The following MAGI1 variants were observed in gnomAD, a reference collection of about 807,000 sequenced individuals.
MAGI1 encodes membrane associated guanylate kinase, WW and PDZ domain containing 1.
MAGI1 carries 58 observed loss-of-function variants against 139.9 expected under a neutral mutation model. That is an observed-to-expected ratio of 0.41 (90% CI 0.34 to 0.52). The LOEUF (loss-of-function observed/expected upper bound fraction) is 0.52, where lower values mean the gene tolerates loss of function less well. MAGI1 is among the 20% of genes least tolerant of loss of function. The pLI is 0.12. For synonymous variants in MAGI1, 812 were observed against 737.9 expected (o/e 1.10, Z -1.63); for missense variants, 1,874 against 1,901.6 (o/e 0.99, Z 0.27).
intron 2 of MAGI1, among the ~76,000 whole-genome samples, chr3:65,557,332 G>A (rs929398913): frequency 6.6e-6 from 1 of 152,288 alleles, no homozygotes; most frequent in Non-Finnish European, 1.5e-5. Context: ...GCCACACATA[G>A]TGAGGAACTA....
At chr3:65,832,005 C>T (rs2042557788) in intron 1 of MAGI1, among the ~76,000 whole-genome samples, 1 of 152,210 alleles carries the variant, frequency 6.6e-6, no homozygotes, top group Non-Finnish European at 1.5e-5. Flanking sequence ...AGAGACCTTA[C>T]ATTACCATTT....
intron 1 of MAGI1, among the ~76,000 whole-genome samples, chr3:65,675,186 T>G (rs1315104961): frequency 6.6e-6 from 1 of 152,160 alleles, no homozygotes; most frequent in African/African-American, 2.4e-5. Flanking sequence ...AAAATAAAAT[T>G]ATGATATTCA....
At chr3:65,637,139 C>G (rs892659005) in intron 1 of MAGI1, among the ~76,000 whole-genome samples, 4 of 152,166 alleles carry the variant, frequency 2.6e-5, no homozygotes, top group African/African-American at 9.7e-5. Context: ...GTGTGACAGT[C>G]CCACCCAGGG....
intron 1 of MAGI1, among the ~76,000 whole-genome samples, chr3:65,730,107 T>C (rs2034031723): frequency 6.6e-6 from 1 of 152,242 alleles, no homozygotes; most frequent in Non-Finnish European, 1.5e-5. Flanking sequence ...AGACAAAATA[T>C]ACTGCTGTGG....
chr3:65,688,154 G>T, intron 1 of MAGI1: 1 of 758,810 alleles, frequency 1.3e-6, no homozygotes, highest in Non-Finnish European at 2.3e-6. Flanking sequence ...CAGGGTCCAT[G>T]GGTATCACTG....
intron 2 of MAGI1, among the ~76,000 whole-genome samples, chr3:65,615,984 C>T (rs7612634): frequency 5.9e-5 from 9 of 151,860 alleles, no homozygotes; most frequent in Non-Finnish European, 5.9e-5. Context: ...ATGAGGAGTA[C>T]AAAAACAAAT....
At chr3:65,961,791 C>T (rs1292029747) in intron 1 of MAGI1, among the ~76,000 whole-genome samples, 1 of 152,178 alleles carries the variant, frequency 6.6e-6, no homozygotes, top group Non-Finnish European at 1.5e-5. Context: ...CCAATAAAGA[C>T]AGACTCCATT....
rs1033105599 is a variant in MAGI1 at position 65,431,708 on chromosome 3, G to T, written c.1364-827C>A. ...GTCTTATTTAAAATAAATTAGGCTG[G>T]GGGTGTGGTGGCTCATGCCTGTAAT... On this transcript the variant is annotated intron_variant, in intron 10 of 22. Coordinates refer to ENST00000402939, the MANE Select transcript of MAGI1 (RefSeq NM_001033057.2). Among the ~76,000 whole-genome samples, 31 of 151,942 alleles carry T rather than the reference G, an allele frequency of 2.0e-4. 1 individual carries two copies. Among genetic ancestry groups the T allele is most frequent in the Admixed American group, 1.7e-3 (26 of 15,224 alleles).
intron 18 of MAGI1, among the ~76,000 whole-genome samples, chr3:65,373,532 C>T (rs1453704070): frequency 6.6e-6 from 1 of 152,156 alleles, no homozygotes. Context: ...GACAGACTTG[C>T]TCGAAGCAGG....
At chr3:65,643,283 T>G (rs938656246) in intron 1 of MAGI1, among the ~76,000 whole-genome samples, 5 of 152,204 alleles carry the variant, frequency 3.3e-5, no homozygotes, top group Admixed American at 6.5e-5. Context: ...TACTTATTAT[T>G]CTACTTTAAA....
chr3:65,964,480 T>C (rs919239186), intron 1 of MAGI1, among the ~76,000 whole-genome samples: 3 of 151,784 alleles, frequency 2.0e-5, no homozygotes, highest in Admixed American at 6.6e-5. Context: ...TCCTTTCTTA[T>C]TGAGATAGAA....
intron 2 of MAGI1, among the ~76,000 whole-genome samples, chr3:65,570,065 T>TTTA (rs777019337): frequency 5.4e-5 from 7 of 129,154 alleles, no homozygotes; most frequent in African/African-American, 2.0e-4. Flanking sequence ...TCTTTCTTTC[T>TTTA]TTATTATCAT....
Position 65,356,351 on chromosome 3 carries a change from G to A in MAGI1, c.*27C>T. 2 of 1,533,724 alleles carry A rather than the reference G, an allele frequency of 1.3e-6. No individual in the cohort carries two copies. The highest frequency in any genetic ancestry group is 1.4e-5 in the African/African-American group (1 of 71,930). ...CTTTCCTCTTAGAACCTTTGACACG[G>A]TAAAGGTTGGAATGTGACTCAGCGT... On this transcript the variant is annotated 3_prime_UTR_variant, in exon 23 of 23. Coordinates refer to ENST00000402939, the MANE Select transcript of MAGI1 (RefSeq NM_001033057.2).
intron 4 of MAGI1, 48 bp from the exon 5 acceptor site, chr3:65,470,532 A>ACTTT: frequency 7.6e-7 from 1 of 1,323,602 alleles, no homozygotes; most frequent in Non-Finnish European, 1.1e-6. Flanking sequence ...AGAAAAAAAA[A>ACTTT]AAATGGTATT....
At chr3:65,847,708 C>T (rs1423881937) in intron 1 of MAGI1, among the ~76,000 whole-genome samples, 1 of 152,100 alleles carries the variant, frequency 6.6e-6, no homozygotes, top group East Asian at 1.9e-4. Flanking sequence ...TTTATTTATT[C>T]TTTTATGCTA....
chr3:65,683,587 C>G (rs1462733520), intron 1 of MAGI1, among the ~76,000 whole-genome samples: 1 of 150,754 alleles, frequency 6.6e-6, no homozygotes, highest in Non-Finnish European at 1.5e-5. Context: ...TCTCCAAAGT[C>G]AATATTGAAA....
At chr3:65,577,671 T>C (rs1484226877) in intron 2 of MAGI1, among the ~76,000 whole-genome samples, 1 of 152,134 alleles carries the variant, frequency 6.6e-6, no homozygotes, top group Admixed American at 6.5e-5. Context: ...GTTAGAACAG[T>C]GCTACGTTTC....
At chr3:65,947,878 A>G (rs1248031374) in intron 1 of MAGI1, among the ~76,000 whole-genome samples, 1 of 151,764 alleles carries the variant, frequency 6.6e-6, no homozygotes, top group Non-Finnish European at 1.5e-5. Flanking sequence ...CAGCCTCCCA[A>G]AGTGCTGGGA....
intron 10 of MAGI1, among the ~76,000 whole-genome samples, chr3:65,432,921 C>G (rs757705379): frequency 2.0e-5 from 3 of 152,150 alleles, no homozygotes; most frequent in Non-Finnish European, 2.9e-5. Context: ...CTAAAAATTG[C>G]AGTACCTCCA....
Sources: gnomAD v4.1 joint callset for allele counts (sites outside exome capture counted in the v4.1 genomes callset) on GRCh38, gnomAD v4.1.1 for gene constraint, MANE v1.5 for transcripts, NCBI Gene and HGNC (gene_info 2026-07-23, HGNC 2026-07-21) for gene names.